Variants in DUS2 observed in about 807,000 individuals in gnomAD.
DUS2 encodes the protein tRNA-dihydrouridine(20) synthase [NAD(P)+]-like.
DUS2 carries 52 observed loss-of-function variants against 71.3 expected under a neutral mutation model. The observed-to-expected ratio is 0.73, with a 90% CI of 0.58 to 0.92. DUS2 has a LOEUF of 0.92. DUS2 is among the 40% of genes least tolerant of loss of function. The pLI, the probability that DUS2 is intolerant of heterozygous loss-of-function variation, is 0.00. For synonymous variants in DUS2, 204 were observed against 227.8 expected, an observed-to-expected ratio of 0.90 and a Z score of 0.94; for missense variants, 558 against 622.6, an observed-to-expected ratio of 0.90 and a Z score of 1.10.
intron 12 of DUS2, 44 bp downstream of exon 12, chr16:68,071,152 A>C (rs780690550): frequency 6.2e-7 from 1 of 1,605,318 alleles, no homozygotes; most frequent in Middle Eastern, 1.7e-4. Flanking sequence ...CTCACTGTCT[A>C]CCACACTCCT....
At chr16:68,059,695 C>T (rs190764498) in intron 7 of DUS2, among the ~76,000 whole-genome samples, 1 of 152,298 alleles carries the variant, frequency 6.6e-6, no homozygotes, top group East Asian at 1.9e-4. Context: ...CTTCTGAGCA[C>T]ATTCTGTGAG....
At chr16:68,047,425 C>A (rs899283073) in intron 3 of DUS2, among the ~76,000 whole-genome samples, 3 of 151,954 alleles carry the variant, frequency 2.0e-5, no homozygotes, top group African/African-American at 7.3e-5. Context: ...AAAAGTTTGT[C>A]AATTTTGTTA....
At chr16:68,046,992 C>T (rs1190325332) in intron 3 of DUS2, among the ~76,000 whole-genome samples, 3 of 151,624 alleles carry the variant, frequency 2.0e-5, no homozygotes, top group African/African-American at 2.4e-5. Context: ...CCTCGTGATC[C>T]GCCCGCCTTG....
chr16:68,079,130 A>G lies in DUS2; in HGVS notation c.*144A>G. ...GTCCTGGCAGGGGCCATCAGCCTAG[A>G]GCATGGACCAGGGGCCGCCCAGGGG... is the stretch of plus-strand genomic sequence containing the variant. On this transcript the variant is annotated 3_prime_UTR_variant, in exon 17 of 17. Transcript: ENST00000565263. 1 of 768,624 alleles carries G rather than the reference A, an allele frequency of 1.3e-6. No homozygotes were observed. The highest frequency in any genetic ancestry group is 2.0e-6 in the Non-Finnish European group (1 of 507,076). The allele number at this position is 768,624 out of a possible 1,614,324, so 47.6% of individuals were successfully genotyped here. A position where few individuals can be genotyped will look rare whatever the true frequency, so the allele number is the denominator to read the frequency against.
chr16:68,027,673 C>T (rs1156599655), intron 2 of DUS2, among the ~76,000 whole-genome samples: 2 of 152,252 alleles, frequency 1.3e-5, no homozygotes, highest in Non-Finnish European at 1.5e-5. Flanking sequence ...GGCATATTGA[C>T]AGATAGTTGC....
intron 7 of DUS2, among the ~76,000 whole-genome samples, 173 bp from the exon 8 acceptor site, chr16:68,060,893 T>C (rs1204653386): frequency 1.3e-5 from 2 of 151,960 alleles, no homozygotes; most frequent in Non-Finnish European, 2.9e-5. Flanking sequence ...CCAGATGTTA[T>C]GGGCACAGAT....
chr16:68,058,431 T>G (rs1469384623), intron 7 of DUS2, among the ~76,000 whole-genome samples: 3 of 152,072 alleles, frequency 2.0e-5, no homozygotes, highest in Non-Finnish European at 2.9e-5. Context: ...TTTTGCCATG[T>G]TAGCCAGGCT....
At chr16:68,042,694 TTTTTATTTTTA>T (rs979671561) in intron 3 of DUS2, among the ~76,000 whole-genome samples, 5 of 150,456 alleles carry the variant, frequency 3.3e-5, no homozygotes, top group Admixed American at 1.3e-4. Context: ...TATTTATTTA[TTTTTATTTTTA>T]TTTTATTTTT....
At chr16:68,037,303 G>T (rs927286456) in intron 2 of DUS2, among the ~76,000 whole-genome samples, 1 of 151,964 alleles carries the variant, frequency 6.6e-6, no homozygotes, top group Non-Finnish European at 1.5e-5. Context: ...AGGAAAACAG[G>T]CCAGGTGCAG....
chr16:68,056,490 C>G, intron 7 of DUS2, 66 bp downstream of exon 7: 1 of 1,323,118 alleles, frequency 7.6e-7, no homozygotes, highest in Non-Finnish European at 1.1e-6. Flanking sequence ...CAAGACATAA[C>G]TAAGTATAGT....
intron 4 of DUS2, among the ~76,000 whole-genome samples, chr16:68,052,110 G>A (rs557829264): frequency 6.6e-6 from 1 of 151,292 alleles, no homozygotes; most frequent in South Asian, 2.1e-4. Flanking sequence ...TCACCATGTT[G>A]CCCAGGGTGG....
At chr16:68,029,619 G>A (rs2033408773) in intron 2 of DUS2, among the ~76,000 whole-genome samples, 1 of 151,692 alleles carries the variant, frequency 6.6e-6, no homozygotes, top group Admixed American at 6.6e-5. Context: ...GCTAATTTTT[G>A]TATTTTTTGG....
intron 13 of DUS2, 94 bp from the exon 14 acceptor site, chr16:68,075,261 A>G: frequency 1.6e-6 from 2 of 1,265,136 alleles, no homozygotes; most frequent in Non-Finnish European, 2.1e-6. Context: ...TATGTGGTAG[A>G]GGAGTTTCTC....
At chr16:68,040,782 G>C (rs1339486076) in intron 3 of DUS2, among the ~76,000 whole-genome samples, 2 of 151,784 alleles carry the variant, frequency 1.3e-5, no homozygotes, top group Non-Finnish European at 2.9e-5. Flanking sequence ...TGTTTTGCCA[G>C]TGAGCTTTGG....
At chr16:68,057,811 A>T (rs978217444) in intron 7 of DUS2, among the ~76,000 whole-genome samples, 3 of 149,800 alleles carry the variant, frequency 2.0e-5, no homozygotes, top group Non-Finnish European at 4.4e-5. Flanking sequence ...AACCTGGGAG[A>T]CGGAGGTTGC....
In DUS2 at chr16:68,027,517, A is replaced by T. The variant is rs559136601; in HGVS notation, c.-19+2023A>T. On this transcript the variant is annotated intron_variant, in intron 2 of 16. Coordinates refer to ENST00000565263, the MANE Select transcript of DUS2 (RefSeq NM_017803.5). ...CTTGGCCTCCCAAAGTGCTGGGATT[A>T]CAGGCGTGAGCCACCTCACCCGGCT... Among the ~76,000 whole-genome samples, 12 of 152,370 alleles carry T rather than the reference A, an allele frequency of 7.9e-5. No homozygotes were observed. In the South Asian group the frequency reaches 2.1e-3, roughly 26 times the overall value.
At chr16:68,075,977 T>G (rs1457517211) in intron 14 of DUS2, among the ~76,000 whole-genome samples, 1 of 152,150 alleles carries the variant, frequency 6.6e-6, no homozygotes, top group African/African-American at 2.4e-5. Context: ...TCCTCTGGGA[T>G]CTGAGCCTTT....
At chr16:68,047,514 C>T (rs1329824776) in intron 3 of DUS2, among the ~76,000 whole-genome samples, 1 of 151,664 alleles carries the variant, frequency 6.6e-6, no homozygotes, top group Non-Finnish European at 1.5e-5. Context: ...TGGAGTCTTG[C>T]TCTGTTGCCC....
chr16:68,076,905 A>G (rs945548494), intron 15 of DUS2, among the ~76,000 whole-genome samples, 186 bp downstream of exon 15: 20 of 145,930 alleles, frequency 1.4e-4, no homozygotes, highest in African/African-American at 4.2e-4. Context: ...GTTCAGCCAG[A>G]CATCTCTCTT....
Sources: allele counts gnomAD v4.1 joint callset (sites outside exome capture counted in the v4.1 genomes callset), GRCh38; gene constraint gnomAD v4.1.1; transcripts MANE v1.5; gene names NCBI Gene and HGNC (gene_info 2026-07-23, HGNC 2026-07-21).